CNTN3: variants seen among roughly 807,000 people sequenced by gnomAD.
CNTN3 encodes contactin-3.
Under a neutral mutation model 119.1 loss-of-function variants are expected in CNTN3, and 60 were observed. The ratio of observed to expected loss-of-function variants is 0.50; its 90% CI spans 0.41 to 0.62. The LOEUF (loss-of-function observed/expected upper bound fraction) is 0.62, where lower values mean the gene tolerates loss of function less well. Among genes scored for constraint, CNTN3 ranks in the 20% least tolerant of loss-of-function variants. CNTN3 has a pLI of 0.00. For missense variants in CNTN3, 1,101 were observed against 1,242.4 expected (o/e 0.89, Z 1.71); for synonymous variants, 450 against 438.7 (o/e 1.03, Z -0.32).
At chr3:74,278,464 GCCAACTGATCT>G (rs1200440297) in intron 20 of CNTN3, among the ~76,000 whole-genome samples, 1 of 152,020 alleles carries the variant, frequency 6.6e-6, no homozygotes, top group Non-Finnish European at 1.5e-5. Flanking sequence ...AATACTTACA[GCCAACTGATCT>G]CCAACAAAGG....
At chr3:74,488,360 A>G (rs1187739618) in intron 3 of CNTN3, among the ~76,000 whole-genome samples, 2 of 152,100 alleles carry the variant, frequency 1.3e-5, no homozygotes, top group Non-Finnish European at 2.9e-5. Context: ...TGATCCGCCC[A>G]GCTCGGCCTC....
rs186486469 is a variant in CNTN3, at chr3:74,399,703, T to G, written c.454+25142A>C. On this transcript the variant is annotated intron_variant, in intron 5 of 22. Coordinates refer to ENST00000263665, the MANE Select transcript of CNTN3 (RefSeq NM_020872.3). ...AATGGTATTCCTGTCTTTAGGTCTT[T>G]GAGGAATTGCCACTCTATCTTCCAC... Among the ~76,000 whole-genome samples, 31 of 152,284 alleles carry G rather than the reference T, an allele frequency of 2.0e-4. No individual in the cohort carries two copies. The East Asian group carries it at 6.0e-3, about 29-fold the overall frequency.
chr3:74,547,146 T>C (rs1703927280), intron 1 of CNTN3, among the ~76,000 whole-genome samples: 1 of 152,216 alleles, frequency 6.6e-6, no homozygotes, highest in African/African-American at 2.4e-5. Flanking sequence ...CATTTACACG[T>C]ACACATTCAT....
chr3:74,336,574 GT>G lies in CNTN3; in HGVS notation c.1448del (p.Asn483ThrfsTer20). 6.2e-7 allele frequency: 1 copy of G among 1,612,792 alleles called. No homozygotes were observed. The highest frequency in any genetic ancestry group is 8.5e-7 in the Non-Finnish European group (1 of 1,179,092). ...DAGTYTCMAE[N>X]QFGKANGTTH... ...TTGTGCCATTTGCTTTCCCAAACTG[GT>G]TTTCTGCCATGCAGGTGTAAGTTCC... On this transcript the variant is annotated frameshift_variant, in exon 12 of 23. Transcript: ENST00000263665. LOFTEE classifies it high-confidence loss of function.
At chr3:74,312,536 G>A (rs1163927036) in intron 13 of CNTN3, among the ~76,000 whole-genome samples, 1 of 150,794 alleles carries the variant, frequency 6.6e-6, no homozygotes, top group Non-Finnish European at 1.5e-5. Flanking sequence ...AAGAGTCTAG[G>A]AGGGGAGAAA....
At position 74,301,539 on chromosome 3, in the gene CNTN3, C is replaced by T. The variant is rs200530668; in HGVS notation, c.1954G>A (p.Val652Ile). ...GWQTVTTVPEVIDGKTHTATV... is the reference protein window; with the variant it reads ...GWQTVTTVPEIIDGKTHTATV... ...GCTGTGTGCGTCTTCCCATCGATGA[C>T]CTCAGGCACTACAAAGGAATATTTC... The change falls in exon 16 of 23, where the codon GTC becomes ATC. Residue 652 changes from valine to isoleucine, a missense_variant. Val to Ile is a conservative substitution (Grantham distance 29). Coordinates refer to ENST00000263665, the MANE Select transcript of CNTN3 (RefSeq NM_020872.3). The T allele has an allele frequency of 1.6e-5, 26 of 1,613,870 alleles. No homozygotes were observed. Among genetic ancestry groups the T allele is most frequent in the Admixed American group, 3.3e-5 (2 of 59,972 alleles).
At chr3:74,342,927 C>G (rs947196661) in intron 11 of CNTN3, among the ~76,000 whole-genome samples, 4 of 152,026 alleles carry the variant, frequency 2.6e-5, no homozygotes, top group African/African-American at 9.7e-5. Context: ...CTCAGACGCA[C>G]GAAGTAGTAA....
intron 4 of CNTN3, among the ~76,000 whole-genome samples, chr3:74,459,802 C>A (rs906279906): frequency 6.6e-6 from 1 of 152,028 alleles, no homozygotes; most frequent in African/African-American, 2.4e-5. Context: ...ACCTTTAATT[C>A]ACTTTCATAA....
At chr3:74,401,434 G>A (rs923153870) in intron 5 of CNTN3, among the ~76,000 whole-genome samples, 1 of 152,036 alleles carries the variant, frequency 6.6e-6, no homozygotes, top group Non-Finnish European at 1.5e-5. Flanking sequence ...GGCTTTAATA[G>A]CTCTAGTTGA....
chr3:74,331,979 A>G (rs560845367), intron 13 of CNTN3, among the ~76,000 whole-genome samples: 1 of 152,308 alleles, frequency 6.6e-6, no homozygotes, highest in African/African-American at 2.4e-5. Context: ...GCTGTTGACT[A>G]CTTAGCATAG....
chr3:74,292,495 G>A (rs936058327), intron 19 of CNTN3, among the ~76,000 whole-genome samples: 2 of 152,212 alleles, frequency 1.3e-5, no homozygotes, highest in African/African-American at 2.4e-5. Context: ...GAACCCAGGA[G>A]GGGGAGGTTG....
chr3:74,375,234 T>G (rs1297002386), intron 5 of CNTN3, among the ~76,000 whole-genome samples: 1 of 151,902 alleles, frequency 6.6e-6, no homozygotes, highest in Non-Finnish European at 1.5e-5. Flanking sequence ...TCAGCTTGGA[T>G]AAATGGAAGA....
At chr3:74,502,629 T>C (rs1703185198) in intron 2 of CNTN3, among the ~76,000 whole-genome samples, 1 of 152,170 alleles carries the variant, frequency 6.6e-6, no homozygotes, top group South Asian at 2.1e-4. Flanking sequence ...CACACTGCTC[T>C]TGTTCCTGCT....
chr3:74,366,807 T>TATAA (rs1287883934), intron 8 of CNTN3, among the ~76,000 whole-genome samples: 42 of 132,678 alleles, frequency 3.2e-4, no homozygotes, highest in African/African-American at 1.1e-3. Context: ...TATATATATA[T>TATAA]AACTTGCTCA....
At chr3:74,315,420 C>T (rs1425183887) in intron 13 of CNTN3, among the ~76,000 whole-genome samples, 1 of 152,046 alleles carries the variant, frequency 6.6e-6, no homozygotes, top group Admixed American at 6.6e-5. Context: ...TTTTCTTGCA[C>T]AAGAATTAAG....
chr3:74,461,960 T>C (rs1702375909), intron 4 of CNTN3, among the ~76,000 whole-genome samples: 1 of 152,130 alleles, frequency 6.6e-6, no homozygotes, highest in Admixed American at 6.6e-5. Context: ...CATGTTGACT[T>C]GTAATGCCAT....
intron 1 of CNTN3, among the ~76,000 whole-genome samples, chr3:74,565,378 G>A (rs1042679702): frequency 1.3e-5 from 2 of 151,996 alleles, no homozygotes; most frequent in African/African-American, 4.8e-5. Context: ...TGCTTCAATC[G>A]TCACATCTCC....
chr3:74,295,857 A>T (rs1302857356), intron 18 of CNTN3, among the ~76,000 whole-genome samples: 1 of 152,016 alleles, frequency 6.6e-6, no homozygotes, highest in East Asian at 1.9e-4. Context: ...CTGAGCAGGA[A>T]TCTCCCCTCC....
chr3:74,570,896 T>G (rs1158189121), intron 1 of CNTN3, among the ~76,000 whole-genome samples: 1 of 152,234 alleles, frequency 6.6e-6, no homozygotes, highest in African/African-American at 2.4e-5. Context: ...CATTTGAACA[T>G]GAAATGTGTT....
Sources: gnomAD v4.1 joint callset for allele counts (sites outside exome capture counted in the v4.1 genomes callset) on GRCh38, gnomAD v4.1.1 for gene constraint, MANE v1.5 for transcripts, NCBI Gene and HGNC (gene_info 2026-07-23, HGNC 2026-07-21) for gene names.